RABGEF1: variants seen among roughly 807,000 people sequenced by gnomAD.
RABGEF1 encodes the protein RAB guanine nucleotide exchange factor 1.
RABGEF1 carries 26 observed loss-of-function variants against 57.3 expected under a neutral mutation model. That is an observed-to-expected ratio of 0.45 (90% CI 0.33 to 0.63). The LOEUF is 0.63. Ranked by LOEUF, RABGEF1 falls within the 20% of genes least tolerant of loss-of-function variation. The pLI, the probability that RABGEF1 is intolerant of heterozygous loss-of-function variation, is 0.02. For missense variants in RABGEF1, 464 were observed against 607.6 expected, an observed-to-expected ratio of 0.76 and a Z score of 2.48; for synonymous variants, 185 against 210.7, an observed-to-expected ratio of 0.88 and a Z score of 1.06.
Position 66,758,201 on chromosome 7 carries a change from A to C in RABGEF1, c.-17-13682A>C, listed in dbSNP as rs368989662. Among the ~76,000 whole-genome samples, 50 of 152,266 alleles carry C rather than the reference A, an allele frequency of 3.3e-4. No homozygotes were observed. The South Asian group carries it at 4.6e-3, about 14-fold the overall frequency. ...ATAGAGGGAAACTACTCACATCTGC[A>C]AAGTATTTTCGTTTTGCTTTTCTGA... is the stretch of plus-strand genomic sequence containing the variant. On this transcript the variant is annotated intron_variant, in intron 1 of 8. Transcript: ENST00000284957.
intron 3 of RABGEF1, among the ~76,000 whole-genome samples, chr7:66,778,821 A>G (rs2129131369): frequency 6.6e-6 from 1 of 152,312 alleles, no homozygotes; most frequent in Middle Eastern, 3.4e-3. Flanking sequence ...GTCAAAATAA[A>G]TAAGGACAAT....
chr7:66,809,918 T>A lies in RABGEF1; in HGVS notation c.*634T>A, dbSNP rs1182094738. 6.5e-6 allele frequency: 1 copy of A among 152,692 alleles called. No individual in the cohort carries two copies. The highest frequency in any genetic ancestry group is 1.5e-5 in the Non-Finnish European group (1 of 68,058). The allele number at this position is 152,692 out of a possible 1,614,324, so 9.5% of individuals were successfully genotyped here. On this transcript the variant is annotated 3_prime_UTR_variant, in exon 9 of 9. Coordinates refer to ENST00000284957, the MANE Select transcript of RABGEF1 (RefSeq NM_014504.3). ...GTGCACTCCATCTTTAAGAACGTGT[T>A]AGCCTTAACTTTGAGGTTCTATATA...
At chr7:66,707,882 AT>A (rs1042936520) in intron 1 of RABGEF1, among the ~76,000 whole-genome samples, 1 of 151,440 alleles carries the variant, frequency 6.6e-6, no homozygotes, top group Non-Finnish European at 1.5e-5. Flanking sequence ...CTCTAGTAAC[AT>A]TTTTTTTGTC....
the RABGEF1 span, among the ~76,000 whole-genome samples, chr7:66,658,405 C>T: frequency 6.6e-5 from 10 of 151,898 alleles, no homozygotes; most frequent in African/African-American, 1.7e-4. Flanking sequence ...TGGTGGCAGG[C>T]GCCTGTAATC....
chr7:66,747,531 A>G (rs1031126896), intron 1 of RABGEF1, among the ~76,000 whole-genome samples: 1 of 152,240 alleles, frequency 6.6e-6, no homozygotes, highest in Non-Finnish European at 1.5e-5. Flanking sequence ...GTATGCTAAA[A>G]TTAAAAATCG....
At chr7:66,712,121 C>G (rs1794850084) in intron 1 of RABGEF1, 1 of 152,178 alleles carries the variant, frequency 6.6e-6, no homozygotes, top group Non-Finnish European at 1.5e-5. Flanking sequence ...CATATGTCTA[C>G]AAAAATCCTG....
the RABGEF1 span, among the ~76,000 whole-genome samples, chr7:66,655,174 G>A: frequency 6.6e-6 from 1 of 152,246 alleles, no homozygotes; most frequent in African/African-American, 2.4e-5. Context: ...GGGATTTGAA[G>A]CCTGTGGTCC....
intron 1 of RABGEF1, among the ~76,000 whole-genome samples, chr7:66,766,233 C>T (rs181682537): frequency 3.3e-5 from 5 of 150,414 alleles, no homozygotes; most frequent in Admixed American, 1.3e-4. Flanking sequence ...TGCTTGAGCT[C>T]GGGAAGTCAA....
chr7:66,798,024 C>G (rs1398196392), intron 6 of RABGEF1, among the ~76,000 whole-genome samples: 7 of 151,986 alleles, frequency 4.6e-5, no homozygotes, highest in Admixed American at 4.6e-4. Flanking sequence ...GGCTAAGGCA[C>G]GAGAATGGCT....
chr7:66,679,574 C>A (rs549554316), upstream of RABGEF1, among the ~76,000 whole-genome samples: 5 of 152,340 alleles, frequency 3.3e-5, no homozygotes, highest in African/African-American at 1.2e-4. Flanking sequence ...CCGCCTCGGC[C>A]TCCCAAAGTG....
At chr7:66,682,452 C>T (rs1789899093) in intron 1 of RABGEF1, among the ~76,000 whole-genome samples, 1 of 152,254 alleles carries the variant, frequency 6.6e-6, no homozygotes, top group Non-Finnish European at 1.5e-5. Context: ...TTCCCTTAAT[C>T]CTCACAGTGC....
At chr7:66,668,667 G>C in the RABGEF1 span, 3 of 152,292 alleles carry the variant, frequency 2.0e-5, no homozygotes, top group African/African-American at 7.2e-5. Flanking sequence ...CTCCTGCCAG[G>C]CCTTGTCACT....
intron 7 of RABGEF1, among the ~76,000 whole-genome samples, chr7:66,800,013 CACAA>C (rs1786913959): frequency 1.3e-5 from 2 of 152,246 alleles, no homozygotes; most frequent in South Asian, 4.1e-4. Context: ...AAGAGTGCAA[CACAA>C]ACGTTTAAAT....
chr7:66,753,262 C>G (rs1235706692), intron 1 of RABGEF1, among the ~76,000 whole-genome samples: 1 of 152,224 alleles, frequency 6.6e-6, no homozygotes, highest in East Asian at 1.9e-4. Context: ...AAAGGGGGTG[C>G]TTTTAGGCCA....
At chr7:66,764,834 G>A (rs1215477283) in intron 1 of RABGEF1, among the ~76,000 whole-genome samples, 1 of 152,166 alleles carries the variant, frequency 6.6e-6, no homozygotes, top group Non-Finnish European at 1.5e-5. Flanking sequence ...CTTTCCTTGT[G>A]CCAGTACCGC....
intron 2 of RABGEF1, among the ~76,000 whole-genome samples, chr7:66,726,899 G>A (rs549661141): frequency 5.8e-4 from 89 of 152,268 alleles, no homozygotes; most frequent in Middle Eastern, 6.8e-3. Flanking sequence ...AGCTACTTGG[G>A]AGACTGAGGC....
intron 1 of RABGEF1, among the ~76,000 whole-genome samples, chr7:66,696,631 G>A (rs1199661359): frequency 2.0e-5 from 3 of 151,066 alleles, no homozygotes; most frequent in Admixed American, 6.6e-5. Context: ...TGGAGGTTGC[G>A]GTGAGTCCAG....
chr7:66,783,826 A>G lies in RABGEF1; in HGVS notation c.498A>G (p.Gly166=), dbSNP rs13311024. The G allele has an allele frequency of 9.3e-6, 15 of 1,612,764 alleles. No individual in the cohort carries two copies. The highest frequency in any genetic ancestry group is 3.3e-5 in the South Asian group (3 of 90,904). Reference sequence around the variant, plus strand: ...AACAGACCAAGCTGTTTTTGGAAGGAATGCATTACAAAAGGGTAGGTTGAG... The same window carrying G: ...AACAGACCAAGCTGTTTTTGGAAGGGATGCATTACAAAAGGGTAGGTTGAG... ...IYKQTKLFLE[G]MHYKRDLSIE... Residue 166 remains glycine (G), a synonymous_variant, in exon 4 of 9, where the codon GGA becomes GGG. Coordinates refer to ENST00000284957, the MANE Select transcript of RABGEF1 (RefSeq NM_014504.3).
intron 1 of RABGEF1, among the ~76,000 whole-genome samples, chr7:66,762,526 G>A (rs1304404030): frequency 1.3e-5 from 2 of 151,978 alleles, no homozygotes; most frequent in Non-Finnish European, 2.9e-5. Flanking sequence ...GGGAGGTCGA[G>A]TGTTGTGAGC....
Sources: gnomAD v4.1 joint callset for allele counts (sites outside exome capture counted in the v4.1 genomes callset) on GRCh38, gnomAD v4.1.1 for gene constraint, MANE v1.5 for transcripts, NCBI Gene and HGNC (gene_info 2026-07-23, HGNC 2026-07-21) for gene names.